Variants in SPHKAP observed in about 807,000 individuals in gnomAD.
SPHKAP encodes the protein A-kinase anchor protein SPHKAP.
Under a neutral mutation model 137.5 loss-of-function variants are expected in SPHKAP, and 67 were observed. The observed-to-expected ratio is 0.49, with a 90% CI of 0.40 to 0.60. The LOEUF is 0.60. Ranked by LOEUF, SPHKAP falls within the 20% of genes least tolerant of loss-of-function variation. The pLI, the probability that SPHKAP is intolerant of heterozygous loss-of-function variation, is 0.00. For synonymous variants in SPHKAP, 813 were observed against 785.3 expected (o/e 1.04, Z -0.59); for missense variants, 2,097 against 2,069.3 (o/e 1.01, Z -0.26).
chr2:228,128,733 T>A (rs1699154782), intron 2 of SPHKAP, among the ~76,000 whole-genome samples: 1 of 152,218 alleles, frequency 6.6e-6, no homozygotes, highest in Admixed American at 6.5e-5. Context: ...TTAGCAGGCA[T>A]GAAAACATTA....
At chr2:228,128,470 C>A (rs1699144785) in intron 2 of SPHKAP, among the ~76,000 whole-genome samples, 1 of 152,050 alleles carries the variant, frequency 6.6e-6, no homozygotes, top group Non-Finnish European at 1.5e-5. Context: ...TTCAGTCATT[C>A]ATGAGAGTTG....
intron 8 of SPHKAP, 57 bp from the exon 9 acceptor site, chr2:227,993,677 G>T: frequency 7.0e-7 from 1 of 1,426,830 alleles, no homozygotes; most frequent in South Asian, 1.2e-5. Context: ...ACATGCTGCT[G>T]ACAGTGATGT....
chr2:228,074,896 C>T (rs190501893), intron 3 of SPHKAP, among the ~76,000 whole-genome samples: 2 of 152,076 alleles, frequency 1.3e-5, no homozygotes, highest in Admixed American at 1.3e-4. Context: ...CATTACTTGA[C>T]AACATGTATT....
chr2:228,029,200 A>G (rs762664951), intron 3 of SPHKAP, among the ~76,000 whole-genome samples: 6 of 152,192 alleles, frequency 3.9e-5, no homozygotes, highest in Non-Finnish European at 7.4e-5. Flanking sequence ...TTTTATTTCT[A>G]ACTAGTTGAT....
chr2:228,110,839 A>G (rs1217144792), intron 2 of SPHKAP, among the ~76,000 whole-genome samples: 1 of 152,040 alleles, frequency 6.6e-6, no homozygotes, highest in Non-Finnish European at 1.5e-5. Context: ...GAAAACAAAT[A>G]TTTTTCTTAA....
chr2:228,092,376 GATATACAT>G (rs1254846028), intron 3 of SPHKAP, among the ~76,000 whole-genome samples: 1 of 133,436 alleles, frequency 7.5e-6, no homozygotes, highest in East Asian at 2.2e-4. Flanking sequence ...TATACATACA[GATATACAT>G]ATATACATAT....
At chr2:228,046,510 T>C (rs186083096) in intron 3 of SPHKAP, among the ~76,000 whole-genome samples, 1,917 of 152,164 alleles carry the variant, frequency 0.013, 10 homozygotes, top group Non-Finnish European at 0.02. Context: ...GAACCAAGTA[T>C]TAAAAATAAA....
chr2:228,175,972 T>C (rs1326201233), intron 1 of SPHKAP, among the ~76,000 whole-genome samples: 1 of 152,226 alleles, frequency 6.6e-6, no homozygotes, highest in East Asian at 1.9e-4. Flanking sequence ...TCATTCAGCA[T>C]GATGGGAAGC....
At chr2:228,023,300 T>C (rs1694909629) in intron 5 of SPHKAP, among the ~76,000 whole-genome samples, 1 of 152,150 alleles carries the variant, frequency 6.6e-6, no homozygotes, top group Non-Finnish European at 1.5e-5. Context: ...AAGAAGGTGG[T>C]CCATTGCCTT....
intron 2 of SPHKAP, among the ~76,000 whole-genome samples, chr2:228,116,607 G>T (rs976796844): frequency 1.5e-4 from 23 of 151,972 alleles, no homozygotes; most frequent in African/African-American, 5.1e-4. Context: ...TATGACTGAG[G>T]ACCTTCTAAT....
At chr2:228,172,883 C>A (rs1322914237) in intron 1 of SPHKAP, 2 of 204,938 alleles carry the variant, frequency 9.8e-6, no homozygotes, top group Admixed American at 1.3e-4. Flanking sequence ...AGACACATAT[C>A]CCTTCTGTGC....
At chr2:228,154,512 C>CTCTCTCTCTCTCTCTA (rs1393941364) in intron 1 of SPHKAP, among the ~76,000 whole-genome samples, 11 of 22,066 alleles carry the variant, frequency 5.0e-4, no homozygotes, top group African/African-American at 2.0e-3. Flanking sequence ...CTCTCTCTCT[C>CTCTCTCTCTCTCTCTA]TATATATATA....
rs1046907024 is a variant in SPHKAP at position 228,111,107 on chromosome 2, C to T, written c.139-2168G>A. Reference sequence around the variant, plus strand: ...ATTGAAAACCATTGACCTAGATGAACTTTATTTAAAGCAGAAAAAGGCTCT... The same window carrying T: ...ATTGAAAACCATTGACCTAGATGAATTTTATTTAAAGCAGAAAAAGGCTCT... On this transcript the variant is annotated intron_variant, in intron 2 of 11. Transcript: ENST00000392056. Among the ~76,000 whole-genome samples the T allele has an allele frequency of 1.2e-4, 19 of 152,170 alleles. 1 individual carries two copies. Among genetic ancestry groups the T allele is most frequent in the African/African-American group, 4.6e-4 (19 of 41,536 alleles).
At chr2:228,146,469 A>G (rs183015768) in intron 1 of SPHKAP, among the ~76,000 whole-genome samples, 27 of 152,244 alleles carry the variant, frequency 1.8e-4, no homozygotes, top group Admixed American at 9.8e-4. Flanking sequence ...GGTTTGTTAC[A>G]TAGGTAAACT....
chr2:228,114,405 T>C (rs546110147), intron 2 of SPHKAP, among the ~76,000 whole-genome samples: 1 of 152,228 alleles, frequency 6.6e-6, no homozygotes, highest in African/African-American at 2.4e-5. Flanking sequence ...TTTTAAGTAA[T>C]TTAAATTGGA....
chr2:228,058,555 T>C (rs1696528594), intron 3 of SPHKAP, among the ~76,000 whole-genome samples: 1 of 152,174 alleles, frequency 6.6e-6, no homozygotes, highest in South Asian at 2.1e-4. Flanking sequence ...TTAACGTTGC[T>C]GGAGGGATCT....
At chr2:228,115,530 T>C (rs1334599269) in intron 2 of SPHKAP, among the ~76,000 whole-genome samples, 1 of 152,160 alleles carries the variant, frequency 6.6e-6, no homozygotes, top group African/African-American at 2.4e-5. Context: ...GAGAGCAAAT[T>C]ACTTAACAAT....
intron 3 of SPHKAP, among the ~76,000 whole-genome samples, chr2:228,035,843 A>T (rs1257006621): frequency 6.6e-6 from 1 of 152,248 alleles, no homozygotes; most frequent in Non-Finnish European, 1.5e-5. Context: ...AGATAGCTGA[A>T]ACTGGATCCC....
At chr2:228,123,842 G>T (rs955131027) in intron 2 of SPHKAP, among the ~76,000 whole-genome samples, 1 of 152,034 alleles carries the variant, frequency 6.6e-6, no homozygotes, top group African/African-American at 2.4e-5. Context: ...ATCTGACAAA[G>T]GGCTAATATC....
Sources: allele counts gnomAD v4.1 joint callset (sites outside exome capture counted in the v4.1 genomes callset), GRCh38; gene constraint gnomAD v4.1.1; transcripts MANE v1.5; gene names NCBI Gene and HGNC (gene_info 2026-07-23, HGNC 2026-07-21).